Variants in PLA2G2F observed in about 807,000 individuals in gnomAD.
PLA2G2F encodes the protein phospholipase A2 group IIF, also known as group IIF secretory phospholipase A2.
In PLA2G2F, 17 loss-of-function variants were observed where a neutral mutation model predicts 15.9. The ratio of observed to expected loss-of-function variants is 1.07; its 90% CI spans 0.73 to 1.60. The LOEUF is 1.60. PLA2G2F is among the 40% of genes most tolerant of loss of function. PLA2G2F has a pLI of 0.00. For missense variants in PLA2G2F, 299 were observed against 278.2 expected (o/e 1.07, Z -0.53); for synonymous variants, 119 against 106.5 (o/e 1.12, Z -0.72).
chr1:20,142,383 C>A (rs377737521), intron 2 of PLA2G2F: 1 of 152,480 alleles, frequency 6.6e-6, no homozygotes, highest in East Asian at 1.9e-4. Context: ...CCCATAAAAT[C>A]GTGATAGATT....
At chr1:20,145,466 G>C (rs1161618668) in intron 4 of PLA2G2F, among the ~76,000 whole-genome samples, 1 of 151,928 alleles carries the variant, frequency 6.6e-6, no homozygotes, top group Admixed American at 6.6e-5. Context: ...ATTTTTAGGA[G>C]ATACAGGGTT....
chr1:20,145,587 T>C (rs1466829843), intron 4 of PLA2G2F, among the ~76,000 whole-genome samples: 1 of 151,444 alleles, frequency 6.6e-6, no homozygotes, highest in Non-Finnish European at 1.5e-5. Flanking sequence ...GCCAAACATG[T>C]ACTGTTTACC....
intron 2 of PLA2G2F, 49 bp from the exon 3 acceptor site, chr1:20,143,397 C>T (rs574751791): frequency 3.8e-5 from 60 of 1,591,344 alleles, no homozygotes; most frequent in South Asian, 9.0e-5. Context: ...AGGCTGGGAG[C>T]GGCCAGCCCC....
Position 20,149,243 on chromosome 1 carries a change from C to T in PLA2G2F, c.*842C>T, listed in dbSNP as rs2017679884. ...ACTCCTACCCCCCGGCTCCGGGTCC[C>T]TGACAGACACTGCCCTCCTGGCCTG... On this transcript the variant is annotated 3_prime_UTR_variant, in exon 5 of 5. Transcript: ENST00000375102. 2 of 152,520 alleles carry T rather than the reference C, an allele frequency of 1.3e-5. No individual in the cohort carries two copies. Among genetic ancestry groups the T allele is most frequent in the African/African-American group, 4.8e-5 (2 of 41,432 alleles). 9.4% of individuals were successfully genotyped at this position (152,520 alleles called of 1,614,324 possible).
chr1:20,139,463 C>A lies in PLA2G2F; in HGVS notation c.36C>A (p.Phe12Leu), dbSNP rs1031842363. 18 of 1,576,940 alleles carry A rather than the reference C, an allele frequency of 1.1e-5. No individual in the cohort carries two copies. The highest frequency in any genetic ancestry group is 1.5e-5 in the Non-Finnish European group (17 of 1,159,960). ...GGGCAAAGGCCAACCCCAAAGGGTT[C>A]AAAAAGAAGGTGCTGGATAGATGCT... is the stretch of plus-strand genomic sequence containing the variant. ...ADGAKANPKG[F>L]KKKVLDRCFS... is the part of the protein sequence containing the mutation. Residue 12 changes from phenylalanine (F) to leucine (L), a missense_variant, in exon 1 of 5, where the codon TTC (phenylalanine) becomes TTA (leucine). Coordinates refer to ENST00000375102, the MANE Select transcript of PLA2G2F (RefSeq NM_022819.4).
chr1:20,143,380 A>T, intron 2 of PLA2G2F, 66 bp from the exon 3 acceptor site: 2 of 1,571,754 alleles, frequency 1.3e-6, no homozygotes, highest in Non-Finnish European at 1.7e-6. Context: ...GACTCTCAGG[A>T]TGAGAGAGGC....
Position 20,148,854 on chromosome 1 carries a change from T to C in PLA2G2F, c.*453T>C, listed in dbSNP as rs1281690194. The C allele has an allele frequency of 1.2e-5, 2 of 172,434 alleles. No individual in the cohort carries two copies. The highest frequency in any genetic ancestry group is 4.8e-5 in the African/African-American group (2 of 41,838). The allele number at this position is 172,434 out of a possible 1,614,324, so 10.7% of individuals were successfully genotyped here. ...AAGGCAGATTGCTGGTCACAAAGCATGGGTTCCGGGAGCCCCTCAGCTGAT... is the reference window on the plus strand; with the variant it reads ...AAGGCAGATTGCTGGTCACAAAGCACGGGTTCCGGGAGCCCCTCAGCTGAT... On this transcript the variant is annotated 3_prime_UTR_variant, in exon 5 of 5. Coordinates refer to ENST00000375102, the MANE Select transcript of PLA2G2F (RefSeq NM_022819.4).
chr1:20,143,659 C>G (rs1249713717), intron 3 of PLA2G2F, 69 bp downstream of exon 3: 1 of 1,548,484 alleles, frequency 6.5e-7, no homozygotes, highest in Non-Finnish European at 8.8e-7. Flanking sequence ...ACTGACCTTG[C>G]CCTCCATCCC....
chr1:20,143,104 G>A (rs1446713150), intron 2 of PLA2G2F: 2 of 209,232 alleles, frequency 9.6e-6, no homozygotes, highest in Non-Finnish European at 1.9e-5. Flanking sequence ...GGCATAACAA[G>A]AGCATGCAGG....
At chr1:20,146,451 T>G (rs1361147406) in intron 4 of PLA2G2F, among the ~76,000 whole-genome samples, 1 of 152,220 alleles carries the variant, frequency 6.6e-6, no homozygotes, top group Non-Finnish European at 1.5e-5. Flanking sequence ...ATGAACTTGC[T>G]GTGGCTATTT....
rs765332309 is a variant in PLA2G2F, at chr1:20,139,448, C to T, written c.21C>T (p.Ala7=). 6 of 1,567,394 alleles carry T rather than the reference C, an allele frequency of 3.8e-6. No individual in the cohort carries two copies. The highest frequency in any genetic ancestry group is 5.2e-6 in the Non-Finnish European group (6 of 1,154,876). The stretch of plus-strand genomic sequence containing the variant: ...GCAACATGGCAGATGGGGCAAAGGC[C>T]AACCCCAAAGGGTTCAAAAAGAAGG... MADGAK[A]NPKGFKKKVL... The change falls in exon 1 of 5, where the codon GCC becomes GCT. Residue 7 remains alanine (A), a synonymous_variant. Coordinates refer to ENST00000375102, the MANE Select transcript of PLA2G2F (RefSeq NM_022819.4).
At chr1:20,143,374 C>T (rs928238178) in intron 2 of PLA2G2F, 72 bp from the exon 3 acceptor site, 8 of 1,572,092 alleles carry the variant, frequency 5.1e-6, no homozygotes, top group Admixed American at 1.7e-5. Flanking sequence ...AGTCCAGACT[C>T]TCAGGATGAG....
At chr1:20,144,851 C>T (rs573404614) in intron 4 of PLA2G2F, among the ~76,000 whole-genome samples, 162 bp downstream of exon 4, 6 of 152,196 alleles carry the variant, frequency 3.9e-5, no homozygotes, top group East Asian at 3.9e-4. Context: ...CCGAGGCGGG[C>T]GGATCACTTG....
chr1:20,149,227 C>G lies in PLA2G2F; in HGVS notation c.*826C>G, dbSNP rs1048242949. On this transcript the variant is annotated 3_prime_UTR_variant, in exon 5 of 5. Coordinates refer to ENST00000375102, the MANE Select transcript of PLA2G2F (RefSeq NM_022819.4). ...CGTGGGTCTGAGGAGCACTCCTACC[C>G]CCCGGCTCCGGGTCCCTGACAGACA... The G allele has an allele frequency of 5.9e-5, 9 of 152,624 alleles. No homozygotes were observed. Among genetic ancestry groups the G allele is most frequent in the African/African-American group, 1.4e-4 (6 of 41,582 alleles). The allele number at this position is 152,624 out of a possible 1,614,324, so 9.5% of individuals were successfully genotyped here. A position where few individuals can be genotyped will look rare whatever the true frequency, so the allele number is the denominator to read the frequency against.
At position 20,139,512 on chromosome 1, in the gene PLA2G2F, T is replaced by C. The variant is rs1043590589; in HGVS notation, c.85T>C (p.Phe29Leu). ...RCFSGWRGPR[F>L]GASCPSRTSR... is the part of the protein sequence containing the mutation. ...CTTCTCTGGGTGGAGGGGCCCACGCTTCGGGGCCTCCTGTCCTTCAAGAAC... is the reference window on the plus strand; with the variant it reads ...CTTCTCTGGGTGGAGGGGCCCACGCCTCGGGGCCTCCTGTCCTTCAAGAAC... Residue 29 changes from phenylalanine (F) to leucine (L), a missense_variant, in exon 1 of 5, where the codon TTC becomes CTC. Transcript: ENST00000375102. 1 of 1,569,966 alleles carries C rather than the reference T, an allele frequency of 6.4e-7. No homozygotes were observed. The highest frequency in any genetic ancestry group is 1.7e-4 in the Middle Eastern group (1 of 5,976).
In PLA2G2F at chr1:20,148,375, T is replaced by A. The variant is rs753064447; in HGVS notation, c.610T>A (p.Ser204Thr). The change falls in exon 5 of 5, where the codon TCC (serine) becomes ACC (threonine). Residue 204 changes from serine (S) to threonine (T), a missense_variant. Ser to Thr is a moderately conservative substitution (Grantham distance 58). Transcript: ENST00000375102. Reference protein sequence around the residue: ...PPEEVTCSHQSPAPPAPP With the variant: ...PPEEVTCSHQTPAPPAPP ...TGAGGAGGTCACCTGCAGTCACCAATCCCCAGCGCCCCCCGCCCCTCCCTA... is the reference window on the plus strand; with the variant it reads ...TGAGGAGGTCACCTGCAGTCACCAAACCCCAGCGCCCCCCGCCCCTCCCTA... The A allele has an allele frequency of 6.2e-7, 1 of 1,612,588 alleles. No individual in the cohort carries two copies. The highest frequency in any genetic ancestry group is 8.5e-7 in the Non-Finnish European group (1 of 1,179,434).
At position 20,148,463 on chromosome 1, in the gene PLA2G2F, C is replaced by T; in HGVS notation, c.*62C>T. On this transcript the variant is annotated 3_prime_UTR_variant, in exon 5 of 5. Coordinates refer to ENST00000375102, the MANE Select transcript of PLA2G2F (RefSeq NM_022819.4). ...TCTGGCTTGGGGACCAGACGAGGTG[C>T]AGGGAGGGTAGGAGCCAGGCCAGGA... 1 of 1,429,780 alleles carries T rather than the reference C, an allele frequency of 7.0e-7. No individual in the cohort carries two copies. The highest frequency in any genetic ancestry group is 9.8e-7 in the Non-Finnish European group (1 of 1,025,080). The allele number at this position is 1,429,780 out of a possible 1,614,324, so 88.6% of individuals were successfully genotyped here.
In PLA2G2F at chr1:20,148,381, G is replaced by T. The variant is rs1163112486; in HGVS notation, c.616G>T (p.Ala206Ser). The change falls in exon 5 of 5, where the codon GCG becomes TCG. Residue 206 changes from alanine to serine, a missense_variant. Coordinates refer to ENST00000375102, the MANE Select transcript of PLA2G2F (RefSeq NM_022819.4). ...GGTCACCTGCAGTCACCAATCCCCA[G>T]CGCCCCCCGCCCCTCCCTAGAGCCT... The part of the protein sequence containing the change: ...EEVTCSHQSP[A>S]PPAPP 2 of 1,612,562 alleles carry T rather than the reference G, an allele frequency of 1.2e-6. No homozygotes were observed. The highest frequency in any genetic ancestry group is 2.2e-5 in the South Asian group (2 of 91,046).
In PLA2G2F at chr1:20,139,372, G is replaced by A. The variant is rs2017404786; in HGVS notation, c.-56G>A. The A allele has an allele frequency of 7.3e-7, 1 of 1,365,398 alleles. No homozygotes were observed. Among genetic ancestry groups the A allele is most frequent in the African/African-American group, 1.4e-5 (1 of 69,252 alleles). 84.6% of individuals were successfully genotyped at this position (1,365,398 alleles called of 1,614,324 possible). A position where few individuals can be genotyped will look rare whatever the true frequency, so the allele number is the denominator to read the frequency against. ...CTGGGGCCTGCTCCCCGCAGCCTCT[G>A]GAGCGCATCTCAGACCTTCTGAGAC... On this transcript the variant is annotated 5_prime_UTR_variant, in exon 1 of 5. Transcript: ENST00000375102.
Sources: gnomAD v4.1 joint callset for allele counts (sites outside exome capture counted in the v4.1 genomes callset) on GRCh38, gnomAD v4.1.1 for gene constraint, MANE v1.5 for transcripts, NCBI Gene and HGNC (gene_info 2026-07-23, HGNC 2026-07-21) for gene names.